PDE4D: variants seen among roughly 807,000 people sequenced by gnomAD.
The protein encoded by PDE4D is 3',5'-cyclic-AMP phosphodiesterase 4D.
A neutral mutation model predicts 87.4 loss-of-function variants in PDE4D; 24 were observed. The ratio of observed to expected loss-of-function variants is 0.27; its 90% CI spans 0.20 to 0.39. The LOEUF is 0.39. Among genes scored for constraint, PDE4D ranks in the 10% least tolerant of loss-of-function variants. PDE4D has a pLI of 1.00. For synonymous variants in PDE4D, 384 were observed against 383.2 expected (o/e 1.00, Z -0.02); for missense variants, 714 against 1,041.0 (o/e 0.69, Z 4.32).
intron 6 of PDE4D, among the ~76,000 whole-genome samples, chr5:59,031,916 T>G (rs926490378): frequency 2.0e-5 from 3 of 151,538 alleles, no homozygotes; most frequent in Non-Finnish European, 4.4e-5. Flanking sequence ...AGTAGAAAGG[T>G]GGGTTACCAG....
chr5:59,771,532 A>AAGAAAGAAAGAAAGAAAG, intron 1 of PDE4D, among the ~76,000 whole-genome samples: 1 of 147,074 alleles, frequency 6.8e-6, no homozygotes, highest in Admixed American at 6.6e-5. Flanking sequence ...GAAAGAAAGA[A>AAGAAAGAAAGAAAGAAAG]AGAAAGAAAG....
intron 6 of PDE4D, among the ~76,000 whole-genome samples, chr5:59,009,678 T>C (rs1414069663): frequency 6.6e-6 from 1 of 152,060 alleles, no homozygotes; most frequent in Admixed American, 6.5e-5. Context: ...AATTACACAT[T>C]ACCTATATAT....
intron 11 of PDE4D, among the ~76,000 whole-genome samples, chr5:58,987,053 A>T (rs954101022): frequency 6.6e-6 from 1 of 152,164 alleles, no homozygotes; most frequent in Non-Finnish European, 1.5e-5. Context: ...ATATCTCAAG[A>T]CATTCATAAG....
chr5:59,242,551 G>A (rs958657059), intron 1 of PDE4D, among the ~76,000 whole-genome samples: 1 of 152,074 alleles, frequency 6.6e-6, no homozygotes, highest in African/African-American at 2.4e-5. Flanking sequence ...AGGACAAATT[G>A]CAATCAATAA....
chr5:59,838,600 C>G (rs1234482931), intron 1 of PDE4D, among the ~76,000 whole-genome samples: 1 of 151,948 alleles, frequency 6.6e-6, no homozygotes, highest in African/African-American at 2.4e-5. Flanking sequence ...GTCAGATTAC[C>G]AACTCGTTTA....
At chr5:59,217,091 C>T (rs1378028432) in intron 1 of PDE4D, 3 of 401,286 alleles carry the variant, frequency 7.5e-6, no homozygotes, top group Admixed American at 3.2e-5. Flanking sequence ...AAAATCTACA[C>T]ACACAGTTCT....
intron 1 of PDE4D, among the ~76,000 whole-genome samples, chr5:59,753,621 G>A (rs768811905): frequency 5.3e-5 from 8 of 152,102 alleles, no homozygotes; most frequent in Non-Finnish European, 8.8e-5. Flanking sequence ...ACTGAATAAG[G>A]TCAAAGGAAT....
intron 2 of PDE4D, among the ~76,000 whole-genome samples, chr5:59,199,979 TATATACAC>T (rs1441386113): frequency 7.0e-6 from 1 of 143,814 alleles, no homozygotes; most frequent in Non-Finnish European, 1.5e-5. Context: ...CATACATACA[TATATACAC>T]ATGCATACAT....
chr5:59,103,074 C>G (rs1771031110), intron 5 of PDE4D, among the ~76,000 whole-genome samples: 1 of 152,160 alleles, frequency 6.6e-6, no homozygotes, highest in African/African-American at 2.4e-5. Context: ...ATGAACTGAT[C>G]TGGCCAATAT....
chr5:60,016,745 T>A (rs1765558392), intron 2 of PDE4D, among the ~76,000 whole-genome samples: 1 of 152,186 alleles, frequency 6.6e-6, no homozygotes, highest in Admixed American at 6.5e-5. Flanking sequence ...ATTGCAGCAA[T>A]TCAGCCACTT....
chr5:60,350,822 T>TA (rs1273851155), intron 1 of PDE4D, among the ~76,000 whole-genome samples: 2 of 152,158 alleles, frequency 1.3e-5, no homozygotes, highest in African/African-American at 4.8e-5. Flanking sequence ...TGAGTGGCTC[T>TA]AAAAACACCT....
intron 1 of PDE4D, among the ~76,000 whole-genome samples, chr5:59,322,626 C>T (rs1470814944): frequency 6.6e-6 from 1 of 152,120 alleles, no homozygotes; most frequent in Non-Finnish European, 1.5e-5. Context: ...AGCATATATT[C>T]ACCATCCTTT....
At position 60,298,732 on chromosome 5, in the gene PDE4D, C is replaced by T. The variant is rs368907714; in HGVS notation, c.-89-113045G>A. On this transcript the variant is annotated intron_variant, in intron 1 of 16. Transcript: ENST00000502484. ...TATGTTTTCCTGTCAATGTATCCAT[C>T]AATGAGGATGATTAACATCCATTAT... 6.0e-4 allele frequency among the ~76,000 whole-genome samples: 91 copies of T among 152,272 alleles called. 2 individuals carry two copies. In the South Asian group the frequency reaches 0.018, roughly 31 times the overall value.
At chr5:59,631,918 C>A (rs935413417) in intron 1 of PDE4D, among the ~76,000 whole-genome samples, 1 of 152,174 alleles carries the variant, frequency 6.6e-6, no homozygotes, top group Non-Finnish European at 1.5e-5. Flanking sequence ...TGGAAGGGGG[C>A]TGAAGCCAGG....
At chr5:59,030,422 C>CAA (rs373275661) in intron 6 of PDE4D, among the ~76,000 whole-genome samples, 1,063 of 58,240 alleles carry the variant, frequency 0.018, 51 homozygotes, top group South Asian at 0.05. Context: ...AACAGAGATA[C>CAA]AAAAAAAAAA....
At chr5:60,404,091 T>G (rs1269503776) in intron 1 of PDE4D, among the ~76,000 whole-genome samples, 1 of 151,620 alleles carries the variant, frequency 6.6e-6, no homozygotes, top group African/African-American at 2.4e-5. Context: ...AAAAAAGATC[T>G]AGAGAGATTT....
Position 60,385,193 on chromosome 5 carries a change from C to T in PDE4D, c.-90+102749G>A, listed in dbSNP as rs114974870. 3.3e-3 allele frequency among the ~76,000 whole-genome samples: 504 copies of T among 152,178 alleles called. 3 individuals carry two copies. The highest frequency in any genetic ancestry group is 0.011 in the African/African-American group (459 of 41,496). On this transcript the variant is annotated intron_variant, in intron 1 of 16. Transcript: ENST00000502484. ...AAGAATTTAAGCATGAGTAGTTTTT[C>T]GAGAAGGGATTCCAGGAAGCAAAAT... is the stretch of plus-strand genomic sequence containing the variant.
chr5:59,832,272 T>C (rs1741360864), intron 1 of PDE4D, among the ~76,000 whole-genome samples: 1 of 152,104 alleles, frequency 6.6e-6, no homozygotes, highest in African/African-American at 2.4e-5. Flanking sequence ...TTACTTTCGT[T>C]TGATTCTGCC....
intron 1 of PDE4D, among the ~76,000 whole-genome samples, chr5:59,379,201 G>A (rs990294465): frequency 1.3e-5 from 2 of 152,054 alleles, no homozygotes; most frequent in Admixed American, 1.3e-4. Context: ...TGATGTGTCT[G>A]CGTAACAATC....
Sources: gnomAD v4.1 joint callset for allele counts (sites outside exome capture counted in the v4.1 genomes callset) on GRCh38, gnomAD v4.1.1 for gene constraint, MANE v1.5 for transcripts, NCBI Gene and HGNC (gene_info 2026-07-23, HGNC 2026-07-21) for gene names.